NLGN1: variants seen among roughly 807,000 people sequenced by gnomAD.
NLGN1 encodes neuroligin-1.
Under a neutral mutation model 65.5 loss-of-function variants are expected in NLGN1, and 12 were observed. That is an observed-to-expected ratio of 0.18 (90% CI 0.12 to 0.30). The LOEUF is 0.30. Ranked by LOEUF, NLGN1 falls within the 10% of genes least tolerant of loss-of-function variation. The pLI is 1.00. For missense variants in NLGN1, 750 were observed against 1,007.1 expected (o/e 0.74, Z 3.46); for synonymous variants, 350 against 359.5 (o/e 0.97, Z 0.30).
chr3:174,142,857 A>G (rs1206552167), intron 4 of NLGN1, among the ~76,000 whole-genome samples: 1 of 152,148 alleles, frequency 6.6e-6, no homozygotes, highest in Non-Finnish European at 1.5e-5. Context: ...ATTTATAAAG[A>G]AAAGAGGTTT....
At chr3:174,127,853 G>A (rs2152663614) in intron 4 of NLGN1, among the ~76,000 whole-genome samples, 1 of 152,200 alleles carries the variant, frequency 6.6e-6, no homozygotes, top group African/African-American at 2.4e-5. Context: ...ATGTTTATAG[G>A]GACAAGGCAG....
chr3:173,404,446 A>G (rs1718248422), intron 1 of NLGN1, among the ~76,000 whole-genome samples: 1 of 152,152 alleles, frequency 6.6e-6, no homozygotes, highest in South Asian at 2.1e-4. Flanking sequence ...ACCACCTCTG[A>G]ACTGGGCTCC....
At chr3:173,615,583 C>A (rs1752928524) in intron 3 of NLGN1, among the ~76,000 whole-genome samples, 1 of 152,078 alleles carries the variant, frequency 6.6e-6, no homozygotes, top group Non-Finnish European at 1.5e-5. Context: ...CATAATAAAA[C>A]ATTTAATTAA....
At chr3:173,453,299 A>G (rs1721950057) in intron 2 of NLGN1, among the ~76,000 whole-genome samples, 1 of 150,958 alleles carries the variant, frequency 6.6e-6, no homozygotes, top group African/African-American at 2.4e-5. Flanking sequence ...GGATCTTGCC[A>G]TGTTGCCGAG....
chr3:174,087,441 G>A (rs1181115360), intron 4 of NLGN1, among the ~76,000 whole-genome samples: 1 of 152,004 alleles, frequency 6.6e-6, no homozygotes, highest in Non-Finnish European at 1.5e-5. Context: ...TGGTATCTCA[G>A]AAAAAGGTTT....
chr3:174,072,847 T>A (rs1026560327), intron 4 of NLGN1, among the ~76,000 whole-genome samples: 16 of 152,094 alleles, frequency 1.1e-4, no homozygotes, highest in Non-Finnish European at 2.2e-4. Flanking sequence ...GCTGAGTGAA[T>A]CACTACCAGT....
chr3:174,147,655 A>G (rs1723592651), intron 4 of NLGN1, among the ~76,000 whole-genome samples: 1 of 151,794 alleles, frequency 6.6e-6, no homozygotes, highest in Non-Finnish European at 1.5e-5. Flanking sequence ...TCTGGAAAGT[A>G]ATTTTTGAAA....
chr3:173,492,155 A>G (rs756508467), intron 2 of NLGN1, among the ~76,000 whole-genome samples: 7 of 151,904 alleles, frequency 4.6e-5, no homozygotes, highest in Non-Finnish European at 1.0e-4. Flanking sequence ...TAATACTTAC[A>G]TCATAAAGTT....
At chr3:174,011,153 T>A (rs1299865682) in intron 4 of NLGN1, among the ~76,000 whole-genome samples, 1 of 152,220 alleles carries the variant, frequency 6.6e-6, no homozygotes, top group Non-Finnish European at 1.5e-5. Context: ...CATACTTTTA[T>A]TAACTCTGTG....
intron 4 of NLGN1, among the ~76,000 whole-genome samples, chr3:173,985,129 G>C (rs1382853742): frequency 6.6e-6 from 1 of 152,162 alleles, no homozygotes; most frequent in South Asian, 2.1e-4. Flanking sequence ...AATCCCAATG[G>C]GGCTGGCTTC....
chr3:174,171,528 T>G (rs1728525578), intron 4 of NLGN1, among the ~76,000 whole-genome samples: 1 of 152,180 alleles, frequency 6.6e-6, no homozygotes, highest in Admixed American at 6.6e-5. Context: ...TACCCTTTTC[T>G]AATAACTCAT....
chr3:173,928,672 ATTTTTTT>A (rs34589178), intron 4 of NLGN1, among the ~76,000 whole-genome samples: 2 of 134,542 alleles, frequency 1.5e-5, no homozygotes, highest in Non-Finnish European at 3.2e-5. Context: ...GACATAGTTA[ATTTTTTT>A]TTTTTTTTTT....
At chr3:173,467,472 T>C (rs375837770) in intron 2 of NLGN1, among the ~76,000 whole-genome samples, 9 of 152,280 alleles carry the variant, frequency 5.9e-5, no homozygotes, top group African/African-American at 9.6e-5. Flanking sequence ...GGTCAAATTT[T>C]AGTGCAAATT....
chr3:174,050,584 T>G (rs115027981), intron 4 of NLGN1, among the ~76,000 whole-genome samples: 2,009 of 152,074 alleles, frequency 0.013, 30 homozygotes, highest in Middle Eastern at 0.051. Context: ...TTATGTCACG[T>G]TTTGACAACT....
intron 4 of NLGN1, among the ~76,000 whole-genome samples, chr3:173,848,306 T>C (rs1726217957): frequency 6.6e-6 from 1 of 152,174 alleles, no homozygotes; most frequent in Non-Finnish European, 1.5e-5. Context: ...GTAGGTGTTA[T>C]AATCTCTGAC....
At chr3:173,850,823 A>G (rs148004561) in intron 4 of NLGN1, among the ~76,000 whole-genome samples, 5 of 151,872 alleles carry the variant, frequency 3.3e-5, no homozygotes, top group Non-Finnish European at 7.4e-5. Flanking sequence ...TGCAGCTTCA[A>G]CCTCCCAGGG....
chr3:173,608,064 A>G (rs1384972199), intron 3 of NLGN1, among the ~76,000 whole-genome samples: 2 of 151,830 alleles, frequency 1.3e-5, no homozygotes, highest in Non-Finnish European at 2.9e-5. Flanking sequence ...TAATCAAACA[A>G]CTTTACAAAG....
At chr3:173,823,363 C>T (rs967936217) in intron 4 of NLGN1, among the ~76,000 whole-genome samples, 7 of 151,988 alleles carry the variant, frequency 4.6e-5, no homozygotes, top group African/African-American at 7.2e-5. Flanking sequence ...AGTTTTAAAT[C>T]TTTATTTCGT....
rs570456837 is a variant in NLGN1, at chr3:174,064,099, G to A, written c.647-211216G>A. On this transcript the variant is annotated intron_variant, in intron 4 of 6. Coordinates refer to ENST00000457714, the Ensembl canonical transcript of NLGN1. Reference sequence around the variant, plus strand: ...AGAGGTTGCACTGAGCCAAGATTGTGCCATTGCTCTCCAGCCTGGGCAACA... The same window carrying A: ...AGAGGTTGCACTGAGCCAAGATTGTACCATTGCTCTCCAGCCTGGGCAACA... Among the ~76,000 whole-genome samples the A allele has an allele frequency of 9.9e-5, 15 of 151,854 alleles. No homozygotes were observed. In the East Asian group the frequency reaches 1.9e-3, roughly 20 times the overall value.
Sources: allele counts gnomAD v4.1 joint callset (sites outside exome capture counted in the v4.1 genomes callset), GRCh38; gene constraint gnomAD v4.1.1; transcripts MANE v1.5; gene names NCBI Gene and HGNC (gene_info 2026-07-23, HGNC 2026-07-21).